The following PATJ variants were observed in gnomAD, a reference collection of about 807,000 sequenced individuals.
PATJ encodes the protein inaD-like protein.
Under a neutral mutation model 224.9 loss-of-function variants are expected in PATJ, and 190 were observed. The ratio of observed to expected loss-of-function variants is 0.84; its 90% CI spans 0.75 to 0.95. The LOEUF is 0.95. PATJ is among the 40% of genes least tolerant of loss of function. The probability of loss-of-function intolerance (pLI) is 0.00; values close to 1 mark genes in which losing one functional copy is unlikely to be tolerated. For missense variants in PATJ, 2,121 were observed against 2,270.3 expected (o/e 0.93, Z 1.34); for synonymous variants, 769 against 820.3 (o/e 0.94, Z 1.07).
At position 61,860,595 on chromosome 1, in the gene PATJ, G is replaced by A. The variant is rs550000470; in HGVS notation, c.2323-956G>A. ...TCCCAGCACTTTGGGAGGCGGAGGC[G>A]GGCAGATCACCTGGGAGGTCAGGAG... On this transcript the variant is annotated intron_variant, in intron 18 of 43. Coordinates refer to ENST00000642238, the MANE Select transcript of PATJ (RefSeq NM_001350145.3). 2.7e-4 allele frequency among the ~76,000 whole-genome samples: 41 copies of A among 152,152 alleles called. No individual in the cohort carries two copies. In the Middle Eastern group the frequency reaches 0.024, roughly 88 times the overall value.
In PATJ at chr1:61,746,542, C is replaced by T. The variant is rs576552066; in HGVS notation, c.-36+3987C>T. Among the ~76,000 whole-genome samples, 190 of 152,294 alleles carry T rather than the reference C, an allele frequency of 1.2e-3. 2 individuals are homozygous for T. Among genetic ancestry groups the T allele is most frequent in the Middle Eastern group, 3.4e-3 (1 of 294 alleles). On this transcript the variant is annotated intron_variant, in intron 1 of 43. Transcript: ENST00000642238. ...AGCACCCCAACAGTATAATAAAAGA[C>T]TGTAACAAGAGTTATGGGAGTTATA...
chr1:61,907,682 C>T (rs562267174), intron 24 of PATJ, among the ~76,000 whole-genome samples: 1 of 152,298 alleles, frequency 6.6e-6, no homozygotes, highest in African/African-American at 2.4e-5. Context: ...GACCACAGAA[C>T]ATCCCAGCAT....
intron 1 of PATJ, among the ~76,000 whole-genome samples, chr1:61,759,929 A>G (rs541509280): frequency 3.3e-5 from 5 of 152,324 alleles, no homozygotes; most frequent in African/African-American, 1.2e-4. Context: ...ATAAACTATT[A>G]TTAATCTCTA....
At chr1:61,884,191 G>T in intron 21 of PATJ, 46 bp from the exon 22 acceptor site, 1 of 1,487,058 alleles carries the variant, frequency 6.7e-7, no homozygotes, top group Non-Finnish European at 9.0e-7. Flanking sequence ...GACTAAAGGA[G>T]AATGAGTGCC....
At chr1:61,899,327 T>G (rs1670802145) in intron 22 of PATJ, among the ~76,000 whole-genome samples, 1 of 152,208 alleles carries the variant, frequency 6.6e-6, no homozygotes, top group African/African-American at 2.4e-5. Flanking sequence ...CGCAAACTTT[T>G]AGTGTCTAGA....
intron 31 of PATJ, among the ~76,000 whole-genome samples, chr1:62,071,840 C>T (rs866004697): frequency 6.6e-6 from 1 of 152,248 alleles, no homozygotes; most frequent in Non-Finnish European, 1.5e-5. Context: ...CCTAACATTC[C>T]ATTCATTATA....
At chr1:62,100,339 A>G in intron 33 of PATJ, 1 of 718,026 alleles carries the variant, frequency 1.4e-6, no homozygotes, top group Non-Finnish European at 2.6e-6. Flanking sequence ...TGGGAAGTCC[A>G]AGAGCATGGA....
chr1:62,105,614 C>T (rs1662815890), intron 33 of PATJ, among the ~76,000 whole-genome samples: 1 of 152,144 alleles, frequency 6.6e-6, no homozygotes, highest in African/African-American at 2.4e-5. Context: ...TAAACACTCC[C>T]TGGGTCTGGA....
intron 16 of PATJ, among the ~76,000 whole-genome samples, chr1:61,830,263 T>C (rs1302739288): frequency 6.6e-6 from 1 of 152,118 alleles, no homozygotes; most frequent in Non-Finnish European, 1.5e-5. Flanking sequence ...CCCATTCACA[T>C]AGCCACAAAA....
At chr1:61,837,348 A>G (rs960052625) in intron 17 of PATJ, among the ~76,000 whole-genome samples, 3 of 152,260 alleles carry the variant, frequency 2.0e-5, no homozygotes, top group African/African-American at 7.2e-5. Context: ...ACAAAAATTA[A>G]TAAGTAGATG....
intron 31 of PATJ, among the ~76,000 whole-genome samples, chr1:62,066,936 C>T (rs555560180): frequency 3.9e-5 from 6 of 152,010 alleles, no homozygotes; most frequent in Admixed American, 1.3e-4. Context: ...CACAAGTCCA[C>T]GTGGGGTCAG....
intron 17 of PATJ, among the ~76,000 whole-genome samples, chr1:61,844,836 C>G (rs1252318515): frequency 6.6e-6 from 1 of 152,054 alleles, no homozygotes; most frequent in Admixed American, 6.6e-5. Context: ...GAAGCTCCCC[C>G]CTCATTCTCT....
intron 27 of PATJ, among the ~76,000 whole-genome samples, chr1:61,940,046 G>A (rs973029593): frequency 2.0e-5 from 3 of 151,970 alleles, no homozygotes; most frequent in Admixed American, 1.3e-4. Flanking sequence ...GTAAATATAT[G>A]TGTATTTAGA....
intron 22 of PATJ, among the ~76,000 whole-genome samples, chr1:61,888,888 C>T (rs754310014): frequency 1.3e-5 from 2 of 152,194 alleles, no homozygotes; most frequent in African/African-American, 2.4e-5. Context: ...AGGACTCCAA[C>T]CTAACCTTGT....
intron 31 of PATJ, among the ~76,000 whole-genome samples, chr1:62,078,204 C>G (rs901330217): frequency 1.3e-5 from 2 of 152,202 alleles, no homozygotes; most frequent in African/African-American, 4.8e-5. Flanking sequence ...GAAGGCAGGT[C>G]AGGTTACTAC....
At chr1:62,047,987 A>C (rs963754446) in intron 30 of PATJ, among the ~76,000 whole-genome samples, 6 of 152,240 alleles carry the variant, frequency 3.9e-5, no homozygotes, top group African/African-American at 1.2e-4. Flanking sequence ...ACTGAAAAGG[A>C]AGAACGAGAG....
At chr1:62,143,533 C>T (rs1405857165) in intron 41 of PATJ, among the ~76,000 whole-genome samples, 1 of 146,072 alleles carries the variant, frequency 6.8e-6, no homozygotes. Context: ...TCACTGCAAC[C>T]TCTGCCTCCT....
chr1:61,780,684 G>C (rs1647203850), intron 7 of PATJ, among the ~76,000 whole-genome samples: 1 of 151,918 alleles, frequency 6.6e-6, no homozygotes, highest in African/African-American at 2.4e-5. Context: ...AATGCAAAGT[G>C]GAGTGGTTAT....
chr1:61,794,117 G>C (rs913054303), intron 9 of PATJ, among the ~76,000 whole-genome samples: 1 of 151,908 alleles, frequency 6.6e-6, no homozygotes, highest in African/African-American at 2.4e-5. Context: ...GGCCAGGCTG[G>C]TCTTGAACTC....
Sources: gnomAD v4.1 joint callset for allele counts (sites outside exome capture counted in the v4.1 genomes callset) on GRCh38, gnomAD v4.1.1 for gene constraint, MANE v1.5 for transcripts, NCBI Gene and HGNC (gene_info 2026-07-23, HGNC 2026-07-21) for gene names.